CTNND2: variants seen among roughly 807,000 people sequenced by gnomAD.
The protein encoded by CTNND2 is catenin delta 2.
Under a neutral mutation model 144.4 loss-of-function variants are expected in CTNND2, and 22 were observed. That is an observed-to-expected ratio of 0.15 (90% CI 0.11 to 0.22). The LOEUF (loss-of-function observed/expected upper bound fraction) is 0.22. Ranked by LOEUF, CTNND2 falls within the 10% of genes least tolerant of loss-of-function variation. The pLI, the probability that CTNND2 is intolerant of heterozygous loss-of-function variation, is 1.00. For missense variants in CTNND2, 1,353 were observed against 1,618.8 expected, an observed-to-expected ratio of 0.84 and a Z score of 2.82; for synonymous variants, 751 against 695.6, an observed-to-expected ratio of 1.08 and a Z score of -1.25.
intron 12 of CTNND2, among the ~76,000 whole-genome samples, chr5:11,142,554 T>C (rs996892530): frequency 4.6e-5 from 7 of 151,960 alleles, no homozygotes; most frequent in African/African-American, 9.7e-5. Flanking sequence ...AAGTATTTTG[T>C]TTTCCATAAG....
intron 12 of CTNND2, among the ~76,000 whole-genome samples, chr5:11,155,011 A>G (rs1758088104): frequency 6.6e-6 from 1 of 152,216 alleles, no homozygotes; most frequent in Non-Finnish European, 1.5e-5. Context: ...TTGTATCTGC[A>G]AAGACCTTAT....
chr5:11,598,401 AG>A (rs1203561966), intron 2 of CTNND2, among the ~76,000 whole-genome samples: 13 of 152,276 alleles, frequency 8.5e-5, no homozygotes, highest in South Asian at 2.1e-4. Context: ...CCAGGACTCC[AG>A]GGGGGTCTCC....
At chr5:11,624,117 G>C (rs188069148) in intron 2 of CTNND2, among the ~76,000 whole-genome samples, 66 of 151,992 alleles carry the variant, frequency 4.3e-4, no homozygotes, top group Admixed American at 1.2e-3. Flanking sequence ...TCGTTAATAA[G>C]TGAAAAGTTA....
intron 2 of CTNND2, among the ~76,000 whole-genome samples, chr5:11,637,519 C>G (rs1187877167): frequency 6.6e-6 from 1 of 152,114 alleles, no homozygotes; most frequent in Non-Finnish European, 1.5e-5. Flanking sequence ...AATTGCTTAT[C>G]TATTTATTAC....
chr5:11,237,048 C>G (rs1355808556), intron 9 of CTNND2, among the ~76,000 whole-genome samples: 1 of 146,856 alleles, frequency 6.8e-6, no homozygotes, highest in African/African-American at 2.5e-5. Flanking sequence ...TAGACAGAAT[C>G]TCACTCTGTC....
intron 2 of CTNND2, among the ~76,000 whole-genome samples, chr5:11,712,852 C>G (rs943230462): frequency 6.6e-6 from 1 of 151,974 alleles, no homozygotes; most frequent in Non-Finnish European, 1.5e-5. Context: ...TAAGTTTTTA[C>G]GAGATTATTT....
chr5:11,354,533 C>T (rs1040792531), intron 8 of CTNND2, among the ~76,000 whole-genome samples: 1 of 152,184 alleles, frequency 6.6e-6, no homozygotes, highest in Non-Finnish European at 1.5e-5. Context: ...TGATCTTGAT[C>T]TATTCATTTG....
intron 8 of CTNND2, among the ~76,000 whole-genome samples, chr5:11,353,851 A>C (rs1755596553): frequency 6.6e-6 from 1 of 152,152 alleles, no homozygotes; most frequent in Admixed American, 6.5e-5. Context: ...CTTCTTCTTC[A>C]GAAAGAAATG....
intron 9 of CTNND2, among the ~76,000 whole-genome samples, chr5:11,296,172 G>A (rs893930303): frequency 4.0e-5 from 6 of 151,814 alleles, no homozygotes; most frequent in Non-Finnish European, 7.4e-5. Context: ...AGTGGTTGAA[G>A]GATATGAACA....
At chr5:11,124,742 T>G (rs1165481724) in intron 12 of CTNND2, among the ~76,000 whole-genome samples, 1 of 152,244 alleles carries the variant, frequency 6.6e-6, no homozygotes, top group Non-Finnish European at 1.5e-5. Flanking sequence ...AGATATAGGA[T>G]TCAGGAGGGT....
intron 5 of CTNND2, among the ~76,000 whole-genome samples, chr5:11,408,989 T>G (rs1274508044): frequency 6.6e-6 from 1 of 152,074 alleles, no homozygotes; most frequent in Non-Finnish European, 1.5e-5. Context: ...TTCTTGCTAT[T>G]TATTTACCTC....
At chr5:11,679,287 C>T (rs911691094) in intron 2 of CTNND2, among the ~76,000 whole-genome samples, 5 of 152,164 alleles carry the variant, frequency 3.3e-5, no homozygotes, top group Non-Finnish European at 5.9e-5. Context: ...ACATTATGTA[C>T]TCAATCCATT....
chr5:11,232,304 G>A (rs551225110), intron 10 of CTNND2, among the ~76,000 whole-genome samples: 1 of 145,294 alleles, frequency 6.9e-6, no homozygotes, highest in East Asian at 2.1e-4. Context: ...TCCACTGACA[G>A]CTTGCACCAT....
intron 14 of CTNND2, among the ~76,000 whole-genome samples, chr5:11,109,541 A>G (rs1474331616): frequency 1.3e-5 from 2 of 152,274 alleles, no homozygotes; most frequent in Middle Eastern, 3.4e-3. Flanking sequence ...TAAACCAATT[A>G]TTATTTGTAT....
Position 11,552,031 on chromosome 5 carries a change from A to T in CTNND2, c.287+12913T>A, listed in dbSNP as rs200850470. Among the ~76,000 whole-genome samples the T allele has an allele frequency of 1.8e-4, 28 of 152,186 alleles. No homozygotes were observed. In the East Asian group the frequency reaches 5.4e-3, roughly 29 times the overall value. On this transcript the variant is annotated intron_variant, in intron 3 of 21. Transcript: ENST00000304623. Reference sequence around the variant, plus strand: ...GTGATCCCCTGCCCTTGGCCTCCCAATGTGCTGAACCCGAACCTGAGCCAC... The same window carrying T: ...GTGATCCCCTGCCCTTGGCCTCCCATTGTGCTGAACCCGAACCTGAGCCAC...
At chr5:11,848,035 C>A (rs569048629) in intron 1 of CTNND2, among the ~76,000 whole-genome samples, 1 of 151,916 alleles carries the variant, frequency 6.6e-6, no homozygotes. Context: ...CAATGAGAAT[C>A]CTAAATTCCT....
In CTNND2 at chr5:11,590,033, A is replaced by G. The variant is rs545148970; in HGVS notation, c.175-24977T>C. Among the ~76,000 whole-genome samples, 11 of 149,330 alleles carry G rather than the reference A, an allele frequency of 7.4e-5. 1 individual carries two copies. In the South Asian group the frequency reaches 2.4e-3, roughly 32 times the overall value. On this transcript the variant is annotated intron_variant, in intron 2 of 21. Coordinates refer to ENST00000304623, the MANE Select transcript of CTNND2 (RefSeq NM_001332.4). Reference sequence around the variant, plus strand: ...AACTAAACAAGGTGACTTCTTAAAAATAAGATTTTGTAAATTTTTTTTTTT... The same window carrying G: ...AACTAAACAAGGTGACTTCTTAAAAGTAAGATTTTGTAAATTTTTTTTTTT...
At chr5:11,431,184 C>T (rs1337769691) in intron 3 of CTNND2, among the ~76,000 whole-genome samples, 1 of 152,156 alleles carries the variant, frequency 6.6e-6, no homozygotes, top group Non-Finnish European at 1.5e-5. Flanking sequence ...CTATTGCTTG[C>T]ATGCCCTGAG....
intron 9 of CTNND2, among the ~76,000 whole-genome samples, chr5:11,309,770 G>C (rs1750609704): frequency 6.6e-6 from 1 of 152,164 alleles, no homozygotes; most frequent in African/African-American, 2.4e-5. Context: ...TCAAAATCTT[G>C]TGTCAAATTG....
Sources: allele counts gnomAD v4.1 joint callset (sites outside exome capture counted in the v4.1 genomes callset), GRCh38; gene constraint gnomAD v4.1.1; transcripts MANE v1.5; gene names NCBI Gene and HGNC (gene_info 2026-07-23, HGNC 2026-07-21).